The following WWC2 variants were observed in gnomAD, a reference collection of about 807,000 sequenced individuals.
WWC2 encodes protein WWC2.
WWC2 carries 101 observed loss-of-function variants against 138.5 expected under a neutral mutation model. The ratio of observed to expected loss-of-function variants is 0.73; its 90% CI spans 0.62 to 0.86. The LOEUF is 0.86. Ranked by LOEUF, WWC2 falls within the 40% of genes least tolerant of loss-of-function variation. The pLI is 0.00. For missense variants in WWC2, 1,420 were observed against 1,419.4 expected (o/e 1.00, Z -0.01); for synonymous variants, 558 against 538.4 (o/e 1.04, Z -0.50).
At chr4:183,277,098 T>A (rs1431465090) in intron 16 of WWC2, among the ~76,000 whole-genome samples, 2 of 150,608 alleles carry the variant, frequency 1.3e-5, no homozygotes, top group Non-Finnish European at 3.0e-5. Context: ...TCATCTAGCA[T>A]TAGGTATATC....
intron 21 of WWC2, among the ~76,000 whole-genome samples, chr4:183,295,477 C>T (rs1738602132): frequency 6.6e-6 from 1 of 152,192 alleles, no homozygotes; most frequent in Non-Finnish European, 1.5e-5. Flanking sequence ...GTGGCCTTAG[C>T]GTAGCTTGGC....
chr4:183,233,298 G>T (rs759804582), intron 4 of WWC2, among the ~76,000 whole-genome samples: 33 of 151,148 alleles, frequency 2.2e-4, no homozygotes, highest in Non-Finnish European at 4.3e-4. Flanking sequence ...CTGGGATTAA[G>T]GCACCTGCCA....
chr4:183,273,289 T>C (rs75389451), intron 16 of WWC2, among the ~76,000 whole-genome samples: 13,023 of 152,100 alleles, frequency 0.086, 728 homozygotes, highest in South Asian at 0.18. Flanking sequence ...ATGTTATTTA[T>C]TTATTTTTAA....
intron 1 of WWC2, among the ~76,000 whole-genome samples, chr4:183,100,311 G>T (rs1178593414): frequency 6.6e-6 from 1 of 152,256 alleles, no homozygotes; most frequent in Non-Finnish European, 1.5e-5. Flanking sequence ...TGAAATTAAC[G>T]TTGGGTATTG....
chr4:183,189,576 CTGT>C (rs1734931542), intron 1 of WWC2, among the ~76,000 whole-genome samples: 2 of 152,178 alleles, frequency 1.3e-5, no homozygotes, highest in African/African-American at 4.8e-5. Context: ...TACTTCCTCC[CTGT>C]TCTCTTAGAG....
chr4:183,259,660 A>T lies in WWC2; in HGVS notation c.1218A>T (p.Arg406Ser). Residue 406 changes from arginine to serine, a missense_variant, in exon 10 of 23, where the codon AGA becomes AGT. By Grantham distance (110) the Arg-to-Ser change is moderately radical. Transcript: ENST00000403733. ...LAERLRLEER[R>S]KELLQKLEET... ...CTAGATTGAGATTGGAAGAGAGAAG[A>T]AAAGAGCTGCTACAGAAACTTGAAG... 6.5e-7 allele frequency: 1 copy of T among 1,545,198 alleles called. No homozygotes were observed. The highest frequency in any genetic ancestry group is 1.2e-5 in the South Asian group (1 of 81,078).
chr4:183,165,400 C>A (rs534322283), intron 1 of WWC2, among the ~76,000 whole-genome samples: 7 of 152,256 alleles, frequency 4.6e-5, no homozygotes, highest in African/African-American at 1.2e-4. Context: ...CATTAAGGGT[C>A]AGGTGCTAGG....
At chr4:183,207,527 T>G (rs1482574324) in intron 2 of WWC2, among the ~76,000 whole-genome samples, 5 of 152,202 alleles carry the variant, frequency 3.3e-5, no homozygotes, top group Non-Finnish European at 5.9e-5. Flanking sequence ...CATGGACTGG[T>G]GTTGGTCTGC....
intron 9 of WWC2, among the ~76,000 whole-genome samples, 168 bp from the exon 10 acceptor site, chr4:183,259,471 G>C (rs575764439): frequency 6.6e-6 from 1 of 152,110 alleles, no homozygotes; most frequent in African/African-American, 2.4e-5. Flanking sequence ...AGCTTGGCTC[G>C]TGCAGCTCTG....
intron 4 of WWC2, among the ~76,000 whole-genome samples, chr4:183,219,225 A>G (rs368282754): frequency 2.3e-4 from 35 of 152,312 alleles, no homozygotes; most frequent in South Asian, 1.5e-3. Context: ...ACAGAGTTTC[A>G]GTTTAGAACA....
chr4:183,142,451 A>G lies in WWC2; in HGVS notation c.131+42829A>G, dbSNP rs1733330029. Among the ~76,000 whole-genome samples the G allele has an allele frequency of 3.3e-5, 5 of 152,194 alleles. 1 individual carries two copies. The South Asian group carries it at 1.0e-3, about 31-fold the overall frequency. ...TTCAGTTTATGCACACTAATGGAGT[A>G]ATGGGTTGCTGAGTTTTCAACCCAA... On this transcript the variant is annotated intron_variant, in intron 1 of 22. Transcript: ENST00000403733.
At chr4:183,181,939 G>A (rs1321723632) in intron 1 of WWC2, among the ~76,000 whole-genome samples, 2 of 152,040 alleles carry the variant, frequency 1.3e-5, no homozygotes, top group Non-Finnish European at 2.9e-5. Context: ...TTTATAAAAT[G>A]TATATTTTTA....
At chr4:183,288,570 G>A (rs1201334367) in intron 20 of WWC2, among the ~76,000 whole-genome samples, 8 of 152,272 alleles carry the variant, frequency 5.3e-5, no homozygotes, top group African/African-American at 1.7e-4. Flanking sequence ...CTCACTCACA[G>A]CTTCCTCTCG....
intron 4 of WWC2, among the ~76,000 whole-genome samples, chr4:183,235,352 T>G (rs1736388430): frequency 6.6e-6 from 1 of 152,196 alleles, no homozygotes; most frequent in Non-Finnish European, 1.5e-5. Context: ...TCCATTTCTT[T>G]TGTAATAACA....
intron 1 of WWC2, among the ~76,000 whole-genome samples, chr4:183,150,777 G>C (rs1656465245): frequency 6.6e-6 from 1 of 152,016 alleles, no homozygotes; most frequent in African/African-American, 2.4e-5. Flanking sequence ...AGAACATGCA[G>C]TGTTTGGTTT....
At position 183,254,039 on chromosome 4, in the gene WWC2, T is replaced by C. The variant is rs1560868687; in HGVS notation, c.1196+40T>C. ...TGGAAATAGGGCAGCTTAACTCTTG[T>C]GGGGGTGTCTTAACTGGATACTATT... On this transcript the variant is annotated intron_variant, in intron 9 of 22. Coordinates refer to ENST00000403733, the MANE Select transcript of WWC2 (RefSeq NM_024949.6). The C allele has an allele frequency of 6.3e-6, 10 of 1,598,372 alleles. No individual in the cohort carries two copies. In the African/African-American group the frequency reaches 6.8e-5, roughly 11 times the overall value.
At chr4:183,119,473 G>A (rs148985147) in intron 1 of WWC2, among the ~76,000 whole-genome samples, 2 of 152,234 alleles carry the variant, frequency 1.3e-5, no homozygotes, top group South Asian at 2.1e-4. Flanking sequence ...TACACAGTTA[G>A]CAAGAAGAAA....
At chr4:183,257,639 T>C (rs1211549440) in intron 9 of WWC2, among the ~76,000 whole-genome samples, 2 of 151,958 alleles carry the variant, frequency 1.3e-5, no homozygotes, top group East Asian at 1.9e-4. Flanking sequence ...TATGGGGAAG[T>C]TGGGGAGAGC....
At chr4:183,243,510 A>T (rs1323734236) in intron 5 of WWC2, among the ~76,000 whole-genome samples, 1 of 152,160 alleles carries the variant, frequency 6.6e-6, no homozygotes, top group Non-Finnish European at 1.5e-5. Context: ...CTTCCCAAAT[A>T]AGTAGAATTA....
Sources: allele counts gnomAD v4.1 joint callset (sites outside exome capture counted in the v4.1 genomes callset), GRCh38; gene constraint gnomAD v4.1.1; transcripts MANE v1.5; gene names NCBI Gene and HGNC (gene_info 2026-07-23, HGNC 2026-07-21).